The following MAGI1 variants were observed in gnomAD, a reference collection of about 807,000 sequenced individuals.
MAGI1 encodes membrane associated guanylate kinase, WW and PDZ domain containing 1, also known as membrane-associated guanylate kinase, WW and PDZ domain-containing protein 1.
In MAGI1, 58 loss-of-function variants were observed where a neutral mutation model predicts 139.9. That is an observed-to-expected ratio of 0.41 (90% CI 0.34 to 0.52). The LOEUF (loss-of-function observed/expected upper bound fraction) is 0.52. MAGI1 is among the 20% of genes least tolerant of loss of function. MAGI1 has a pLI of 0.12. For missense variants in MAGI1, 1,874 were observed against 1,901.6 expected, an observed-to-expected ratio of 0.99 and a Z score of 0.27; for synonymous variants, 812 against 737.9, an observed-to-expected ratio of 1.10 and a Z score of -1.63.
chr3:65,560,191 C>T (rs1049409502), intron 2 of MAGI1, among the ~76,000 whole-genome samples: 2 of 152,324 alleles, frequency 1.3e-5, no homozygotes, highest in South Asian at 2.1e-4. Flanking sequence ...TTCCCTGGTA[C>T]ATATCAGTGT....
chr3:65,522,022 T>C (rs951575842), intron 2 of MAGI1, among the ~76,000 whole-genome samples: 1 of 152,132 alleles, frequency 6.6e-6, no homozygotes. Context: ...ACAGAGGGAA[T>C]ACTATCACAG....
intron 11 of MAGI1, 102 bp from the exon 12 acceptor site, chr3:65,430,242 T>C (rs1947353114): frequency 3.3e-6 from 4 of 1,196,956 alleles, no homozygotes; most frequent in African/African-American, 1.5e-5. Flanking sequence ...TGAAACTGCA[T>C]GTGGGTGTGA....
chr3:65,944,568 C>CT (rs531006333), intron 1 of MAGI1, among the ~76,000 whole-genome samples: 1 of 151,782 alleles, frequency 6.6e-6, no homozygotes, highest in Non-Finnish European at 1.5e-5. Context: ...TTTCCAATGC[C>CT]TTTTTTTGAG....
chr3:65,361,469 C>A, intron 21 of MAGI1, 132 bp from the exon 22 acceptor site: 1 of 775,458 alleles, frequency 1.3e-6, no homozygotes, highest in Non-Finnish European at 2.1e-6. Context: ...AATCCCTGCC[C>A]TCATGGAGAT....
At chr3:65,576,540 C>T (rs1040232560) in intron 2 of MAGI1, among the ~76,000 whole-genome samples, 2 of 152,164 alleles carry the variant, frequency 1.3e-5, no homozygotes, top group African/African-American at 4.8e-5. Context: ...CTGAAGTAGG[C>T]AAATACGTTT....
intron 18 of MAGI1, among the ~76,000 whole-genome samples, chr3:65,367,827 C>G (rs1356608271): frequency 6.6e-6 from 1 of 151,998 alleles, no homozygotes; most frequent in Non-Finnish European, 1.5e-5. Context: ...ACATTCCTTT[C>G]AAAAAAGAAA....
intron 2 of MAGI1, among the ~76,000 whole-genome samples, chr3:65,522,684 G>A (rs190241347): frequency 6.6e-6 from 1 of 152,252 alleles, no homozygotes; most frequent in Non-Finnish European, 1.5e-5. Context: ...ATAGGTGTCA[G>A]TACTCAAGAC....
chr3:65,630,712 G>C (rs956658171), intron 1 of MAGI1, among the ~76,000 whole-genome samples: 1 of 152,148 alleles, frequency 6.6e-6, no homozygotes, highest in Non-Finnish European at 1.5e-5. Flanking sequence ...ATGTAGGAGG[G>C]GAGATTGAGA....
intron 2 of MAGI1, among the ~76,000 whole-genome samples, chr3:65,556,769 T>C (rs1309794703): frequency 6.6e-6 from 1 of 152,174 alleles, no homozygotes; most frequent in Non-Finnish European, 1.5e-5. Context: ...ACAAAGTAAA[T>C]CTGACTATGT....
intron 2 of MAGI1, among the ~76,000 whole-genome samples, chr3:65,610,595 A>C (rs955141936): frequency 1.3e-5 from 2 of 151,582 alleles, no homozygotes; most frequent in African/African-American, 4.8e-5. Context: ...GGAAATAAGG[A>C]ATATGTATCC....
chr3:65,958,915 A>T (rs1216051312), intron 1 of MAGI1, among the ~76,000 whole-genome samples: 2 of 152,048 alleles, frequency 1.3e-5, no homozygotes, highest in South Asian at 2.1e-4. Context: ...TGAACCCCGA[A>T]GGCAGAGGAT....
At chr3:65,957,052 C>T (rs930296574) in intron 1 of MAGI1, among the ~76,000 whole-genome samples, 2 of 151,964 alleles carry the variant, frequency 1.3e-5, no homozygotes, top group East Asian at 3.9e-4. Context: ...TAACCCAATC[C>T]TACAAGTCCA....
chr3:65,967,306 G>A (rs939588056), intron 1 of MAGI1, among the ~76,000 whole-genome samples: 1 of 152,188 alleles, frequency 6.6e-6, no homozygotes, highest in African/African-American at 2.4e-5. Flanking sequence ...TTTCAACGTT[G>A]CTGTATGTTT....
chr3:65,639,611 C>A (rs1441095998), intron 1 of MAGI1, among the ~76,000 whole-genome samples: 4 of 152,146 alleles, frequency 2.6e-5, no homozygotes, highest in Non-Finnish European at 5.9e-5. Flanking sequence ...TATCAACGGA[C>A]TGAGTAAGCC....
chr3:65,426,195 G>A lies in MAGI1; in HGVS notation c.2167+3325C>T, dbSNP rs149165211. ...TTGTAAGCAAATCAGGACTGGTCCC[G>A]GCTACTTGGGAGTATGGATGAACAC... On this transcript the variant is annotated intron_variant, in intron 12 of 22. Transcript: ENST00000402939. 1.2e-4 allele frequency among the ~76,000 whole-genome samples: 19 copies of A among 152,214 alleles called. No homozygotes were observed. The East Asian group carries it at 2.7e-3, about 22-fold the overall frequency.
intron 1 of MAGI1, among the ~76,000 whole-genome samples, chr3:65,774,333 A>G (rs2038197477): frequency 6.6e-6 from 1 of 152,184 alleles, no homozygotes; most frequent in African/African-American, 2.4e-5. Flanking sequence ...TGTCTCCACC[A>G]TCTTCCTGTG....
intron 4 of MAGI1, among the ~76,000 whole-genome samples, chr3:65,471,186 G>A (rs1006372759): frequency 1.3e-5 from 2 of 152,110 alleles, no homozygotes; most frequent in South Asian, 4.2e-4. Context: ...AAGAAGGCTC[G>A]AAATACTTGA....
At chr3:65,970,072 C>G (rs2064948551) in intron 1 of MAGI1, among the ~76,000 whole-genome samples, 1 of 152,130 alleles carries the variant, frequency 6.6e-6, no homozygotes, top group African/African-American at 2.4e-5. Context: ...GAGAAAGGAG[C>G]AGAAACAGAA....
intron 1 of MAGI1, among the ~76,000 whole-genome samples, chr3:65,785,128 T>C (rs1270460269): frequency 2.6e-5 from 4 of 152,262 alleles, no homozygotes; most frequent in African/African-American, 9.6e-5. Context: ...TATATCTCAA[T>C]ACCGCTATTT....
Sources: gnomAD v4.1 joint callset for allele counts (sites outside exome capture counted in the v4.1 genomes callset) on GRCh38, gnomAD v4.1.1 for gene constraint, MANE v1.5 for transcripts, NCBI Gene and HGNC (gene_info 2026-07-23, HGNC 2026-07-21) for gene names.